PLEKHG1: variants seen among roughly 807,000 people sequenced by gnomAD.
PLEKHG1 encodes the protein pleckstrin homology and RhoGEF domain containing G1.
In PLEKHG1, 44 loss-of-function variants were observed where a neutral mutation model predicts 100.8. The ratio of observed to expected loss-of-function variants is 0.44; its 90% CI spans 0.34 to 0.56. The LOEUF (loss-of-function observed/expected upper bound fraction) is 0.56, where lower values mean the gene tolerates loss of function less well. Ranked by LOEUF, PLEKHG1 falls within the 20% of genes least tolerant of loss-of-function variation. The pLI is 0.01. For synonymous variants in PLEKHG1, 640 were observed against 662.5 expected (o/e 0.97, Z 0.52); for missense variants, 1,545 against 1,720.9 (o/e 0.90, Z 1.81).
intron 7 of PLEKHG1, among the ~76,000 whole-genome samples, chr6:150,805,286 A>G (rs79095891): frequency 0.03 from 4,570 of 152,292 alleles, 141 homozygotes; most frequent in East Asian, 0.16. Flanking sequence ...TTGATGGTCT[A>G]AGTTACAATT....
chr6:150,706,805 A>C (rs2128602160), intron 3 of PLEKHG1, among the ~76,000 whole-genome samples: 1 of 151,950 alleles, frequency 6.6e-6, no homozygotes, highest in South Asian at 2.1e-4. Context: ...AAAGAGACCA[A>C]AAAAATGAAA....
intron 13 of PLEKHG1, among the ~76,000 whole-genome samples, chr6:150,822,482 G>A (rs1208585455): frequency 6.6e-6 from 1 of 152,224 alleles, no homozygotes; most frequent in Admixed American, 6.5e-5. Context: ...TTATGTGGGA[G>A]TTTGTTCTTT....
intron 2 of PLEKHG1, among the ~76,000 whole-genome samples, chr6:150,766,956 C>G (rs1057111324): frequency 1.3e-5 from 2 of 152,036 alleles, no homozygotes; most frequent in Non-Finnish European, 2.9e-5. Context: ...GTGTGTGGCT[C>G]ATGCCCATCC....
intron 1 of PLEKHG1, among the ~76,000 whole-genome samples, chr6:150,724,561 T>C: frequency 1.3e-4 from 1 of 7,760 alleles, no homozygotes; most frequent in African/African-American, 3.0e-4. Flanking sequence ...TCTTTTTCTT[T>C]TTTTTTTTTT....
rs201923484 is a variant in PLEKHG1, at chr6:150,626,503, A to AT, written c.-203-11577_-203-11576insT. Among the ~76,000 whole-genome samples the AT allele has an allele frequency of 9.1e-3, 1,381 of 152,302 alleles. 27 individuals are homozygous for AT. The highest frequency in any genetic ancestry group is 0.031 in the African/African-American group (1,309 of 41,558). ...CAGAACATGTGCTCTGTCTCTGTTT[A>AT]CTGCCGGGCTCTCCGGAGTGAAGGG... is the stretch of plus-strand genomic sequence containing the variant. On this transcript the variant is annotated intron_variant, in intron 1 of 3. Transcript: ENST00000367326.
At chr6:150,682,632 G>T (rs945337094) in intron 3 of PLEKHG1, among the ~76,000 whole-genome samples, 3 of 152,074 alleles carry the variant, frequency 2.0e-5, no homozygotes, top group Non-Finnish European at 4.4e-5. Context: ...TCCTAATACC[G>T]AACTCAGAAT....
chr6:150,695,480 C>T (rs9942521), intron 3 of PLEKHG1, among the ~76,000 whole-genome samples: 5,657 of 152,236 alleles, frequency 0.037, 334 homozygotes, highest in African/African-American at 0.13. Context: ...GAGAAAAGAG[C>T]TGATTCTACT....
At chr6:150,740,668 G>C (rs1237126933) in intron 2 of PLEKHG1, among the ~76,000 whole-genome samples, 1 of 152,182 alleles carries the variant, frequency 6.6e-6, no homozygotes, top group Admixed American at 6.5e-5. Flanking sequence ...GATTTAATAA[G>C]GAACTTACAC....
intron 1 of PLEKHG1, among the ~76,000 whole-genome samples, chr6:150,629,541 A>G (rs1239411202): frequency 1.3e-5 from 2 of 151,898 alleles, no homozygotes; most frequent in Non-Finnish European, 2.9e-5. Context: ...GCTTACTGCA[A>G]CCTCCGCCTC....
chr6:150,674,682 T>TC (rs71544395), intron 3 of PLEKHG1, among the ~76,000 whole-genome samples: 124 of 104,272 alleles, frequency 1.2e-3, no homozygotes, highest in African/African-American at 3.4e-3. Flanking sequence ...TCTCTCTCTC[T>TC]CCCCCCTCTT....
intron 2 of PLEKHG1, among the ~76,000 whole-genome samples, chr6:150,648,318 C>G (rs1582878959): frequency 6.6e-6 from 1 of 152,064 alleles, no homozygotes; most frequent in Non-Finnish European, 1.5e-5. Context: ...CACTGTTGCA[C>G]AGTGAGACTT....
chr6:150,838,340 A>G (rs1777338146), intron 15 of PLEKHG1, among the ~76,000 whole-genome samples: 1 of 152,248 alleles, frequency 6.6e-6, no homozygotes, highest in East Asian at 1.9e-4. Context: ...TGCAGCCCAT[A>G]ACAGCTTTGA....
At chr6:150,824,818 C>G (rs1583203557) in intron 14 of PLEKHG1, among the ~76,000 whole-genome samples, 1 of 152,220 alleles carries the variant, frequency 6.6e-6, no homozygotes, top group East Asian at 1.9e-4. Context: ...GCATGAACCA[C>G]CACACCCGGC....
chr6:150,792,202 C>G (rs1025128783), intron 4 of PLEKHG1, among the ~76,000 whole-genome samples: 5 of 151,696 alleles, frequency 3.3e-5, no homozygotes, highest in Non-Finnish European at 7.4e-5. Flanking sequence ...ACTAAAAATA[C>G]AAAAATTAGC....
Position 150,824,305 on chromosome 6 carries a change from TCC to T in PLEKHG1, c.1470+630_1470+631del, listed in dbSNP as rs565055855. ...ATTTTCTCCTGACCTGAGTGGTTTGTCCAGTGTGGCTACTGATCAGTTGGCTT... is the reference window on the plus strand; with the variant it reads ...ATTTTCTCCTGACCTGAGTGGTTTGTAGTGTGGCTACTGATCAGTTGGCTT... On this transcript the variant is annotated intron_variant, in intron 14 of 15. Transcript: ENST00000358517. Among the ~76,000 whole-genome samples, 358 of 152,306 alleles carry T rather than the reference TCC, an allele frequency of 2.4e-3. 3 individuals carry two copies. The highest frequency in any genetic ancestry group is 7.9e-3 in the African/African-American group (330 of 41,568).
intron 3 of PLEKHG1, among the ~76,000 whole-genome samples, chr6:150,708,456 A>G (rs910481052): frequency 2.0e-5 from 3 of 152,096 alleles, no homozygotes; most frequent in African/African-American, 7.2e-5. Flanking sequence ...AGTTTTATAT[A>G]TTGTTAGAAT....
intron 1 of PLEKHG1, among the ~76,000 whole-genome samples, chr6:150,620,180 AG>A (rs1392189351): frequency 6.6e-6 from 1 of 151,962 alleles, no homozygotes; most frequent in African/African-American, 2.4e-5. Context: ...TTAATCTGAA[AG>A]GGGATTTTCG....
At chr6:150,786,263 T>G (rs756216941) in intron 3 of PLEKHG1, 127 bp from the exon 5 acceptor site, 214 of 666,460 alleles carry the variant, frequency 3.2e-4, no homozygotes, top group Non-Finnish European at 5.1e-4. Context: ...TGACAGCAGA[T>G]CCTCAGTTAT....
intron 2 of PLEKHG1, among the ~76,000 whole-genome samples, chr6:150,755,716 C>T (rs1291301995): frequency 6.6e-6 from 1 of 152,166 alleles, no homozygotes; most frequent in Non-Finnish European, 1.5e-5. Context: ...ACCCAGACTG[C>T]CTGACCTTGA....
Sources: allele counts gnomAD v4.1 joint callset (sites outside exome capture counted in the v4.1 genomes callset), GRCh38; gene constraint gnomAD v4.1.1; transcripts MANE v1.5; gene names NCBI Gene and HGNC (gene_info 2026-07-23, HGNC 2026-07-21).